The following CHST3 variants were observed in gnomAD, a reference collection of about 807,000 sequenced individuals.
The protein encoded by CHST3 is carbohydrate sulfotransferase 3, also known as C6ST-1.
A neutral mutation model predicts 35.4 loss-of-function variants in CHST3; 20 were observed. The observed-to-expected ratio is 0.57, with a 90% CI of 0.40 to 0.82. CHST3 has a LOEUF of 0.82. Among genes scored for constraint, CHST3 ranks in the 40% least tolerant of loss-of-function variants. The pLI, the probability that CHST3 is intolerant of heterozygous loss-of-function variation, is 0.00. For synonymous variants in CHST3, 334 were observed against 295.9 expected (o/e 1.13, Z -1.32); for missense variants, 693 against 670.1 (o/e 1.03, Z -0.38).
At chr10:72,001,847 A>G (rs1353003362) in intron 1 of CHST3, among the ~76,000 whole-genome samples, 1 of 152,216 alleles carries the variant, frequency 6.6e-6, no homozygotes, top group Non-Finnish European at 1.5e-5. Context: ...CTACCCATGA[A>G]CTAAGCAAGG....
Position 71,986,097 on chromosome 10 carries a change from C to T in CHST3, c.-107-19639C>T, listed in dbSNP as rs1839844935. On this transcript the variant is annotated intron_variant, in intron 1 of 2. Transcript: ENST00000373115. ...AGTAGGTAAAACAAGGGACACAGAC[C>T]TGTTCTCCTGGCATCCCTCCCTGGT... Among the ~76,000 whole-genome samples the T allele has an allele frequency of 2.0e-5, 3 of 152,194 alleles. No individual in the cohort carries two copies. In the South Asian group the frequency reaches 6.2e-4, roughly 32 times the overall value.
intron 1 of CHST3, among the ~76,000 whole-genome samples, chr10:72,004,751 C>T (rs6480592): frequency 0.65 from 99,470 of 152,032 alleles, 33,975 homozygotes; most frequent in African/African-American, 0.87. Flanking sequence ...ACATCGGAGT[C>T]TCTCCACCTT....
At position 71,973,940 on chromosome 10, in the gene CHST3, G is replaced by A. The variant is rs548836268; in HGVS notation, c.-108+9246G>A. ...ACAGGCAGGATGGAGTTGTGGTTAC[G>A]CACACAGGCTCTAGAGCCGGGCTGC... On this transcript the variant is annotated intron_variant, in intron 1 of 2. Transcript: ENST00000373115. Among the ~76,000 whole-genome samples the A allele has an allele frequency of 3.9e-5, 6 of 152,278 alleles. No individual in the cohort carries two copies. The South Asian group carries it at 1.0e-3, about 26-fold the overall frequency.
intron 1 of CHST3, among the ~76,000 whole-genome samples, chr10:71,979,529 G>T (rs1839780770): frequency 6.6e-6 from 1 of 151,934 alleles, no homozygotes. Flanking sequence ...GTGGAATTTG[G>T]CCAGGCACAG....
At chr10:72,002,582 G>A (rs1840004083) in intron 1 of CHST3, among the ~76,000 whole-genome samples, 2 of 152,250 alleles carry the variant, frequency 1.3e-5, no homozygotes, top group Non-Finnish European at 1.5e-5. Flanking sequence ...CAGCATGGTA[G>A]AGACACAGGA....
chr10:72,007,789 GC>G lies in CHST3; in HGVS notation c.763del (p.Leu255SerfsTer3), dbSNP rs1564532377. Reference sequence around the variant, plus strand: ...TACCACTGCAAGAACCGCCGCTGCGGCCCCCTCAACGTGACGCTGGCCGCAG... The same window carrying G: ...TACCACTGCAAGAACCGCCGCTGCGGCCCCTCAACGTGACGCTGGCCGCAG... Reference protein sequence around the residue: ...EKYHCKNRRCGPLNVTLAAEA... With the variant: ...EKYHCKNRRCXPLNVTLAAEA... On this transcript the variant is annotated frameshift_variant, in exon 3 of 3. Coordinates refer to ENST00000373115, the MANE Select transcript of CHST3 (RefSeq NM_004273.5). LOFTEE classifies it high-confidence loss of function. 6.2e-7 allele frequency: 1 copy of G among 1,601,444 alleles called. No individual in the cohort carries two copies. Among genetic ancestry groups the G allele is most frequent in the Admixed American group, 1.7e-5 (1 of 59,946 alleles).
chr10:72,004,741 A>G (rs562739011), intron 1 of CHST3, among the ~76,000 whole-genome samples: 1 of 152,276 alleles, frequency 6.6e-6, no homozygotes, highest in African/African-American at 2.4e-5. Flanking sequence ...GGAGCTTGCT[A>G]CATCGGAGTC....
At chr10:71,981,497 G>T (rs1434942853) in intron 1 of CHST3, among the ~76,000 whole-genome samples, 1 of 152,190 alleles carries the variant, frequency 6.6e-6, no homozygotes, top group African/African-American at 2.4e-5. Context: ...ACTAGATTCT[G>T]CCCAGGTCAG....
intron 1 of CHST3, among the ~76,000 whole-genome samples, chr10:71,985,218 T>C (rs960179147): frequency 1.5e-4 from 23 of 152,236 alleles, no homozygotes; most frequent in African/African-American, 4.6e-4. Flanking sequence ...CGCAGAGCTT[T>C]TTGGGCCCTG....
chr10:72,006,575 A>G (rs902354781), intron 2 of CHST3, among the ~76,000 whole-genome samples: 2 of 152,348 alleles, frequency 1.3e-5, no homozygotes, highest in Middle Eastern at 6.8e-3. Flanking sequence ...CAAATAGGCT[A>G]ATCTGGGAAC....
chr10:71,984,299 A>C (rs1436798645), intron 1 of CHST3, among the ~76,000 whole-genome samples: 1 of 152,258 alleles, frequency 6.6e-6, no homozygotes, highest in Non-Finnish European at 1.5e-5. Context: ...CTGAGATTAC[A>C]GGCGTGAGCC....
At chr10:71,981,806 A>G (rs911227163) in intron 1 of CHST3, among the ~76,000 whole-genome samples, 3 of 152,080 alleles carry the variant, frequency 2.0e-5, no homozygotes. Flanking sequence ...CTTACTGTCA[A>G]CCCCGCCCCT....
Position 71,964,502 on chromosome 10 carries a change from C to G in CHST3, c.-300C>G, listed in dbSNP as rs1469041878. On this transcript the variant is annotated 5_prime_UTR_variant, in exon 1 of 3. Transcript: ENST00000373115. ...GCCGCTTCCCTTCCAGCGTGCCGAC[C>G]GGCCCCGCAGCGCCTCCATCCCTCC... 1.3e-5 allele frequency: 2 copies of G among 152,108 alleles called. No individual in the cohort carries two copies. The highest frequency in any genetic ancestry group is 6.5e-5 in the Admixed American group (1 of 15,274). 9.4% of individuals were successfully genotyped at this position (152,108 alleles called of 1,614,324 possible). A position where few individuals can be genotyped will look rare whatever the true frequency, so the allele number is the denominator to read the frequency against.
At position 71,971,453 on chromosome 10, in the gene CHST3, C is replaced by A. The variant is rs141729579; in HGVS notation, c.-108+6759C>A. Among the ~76,000 whole-genome samples, 898 of 152,326 alleles carry A rather than the reference C, an allele frequency of 5.9e-3. 13 individuals carry two copies. The highest frequency in any genetic ancestry group is 0.021 in the African/African-American group (863 of 41,576). On this transcript the variant is annotated intron_variant, in intron 1 of 2. Coordinates refer to ENST00000373115, the MANE Select transcript of CHST3 (RefSeq NM_004273.5). ...AGCTTTCTGTCATGTGTGTGCTGTTCCTGTTCACACATGCTGCGCCGATGC... is the reference window on the plus strand; with the variant it reads ...AGCTTTCTGTCATGTGTGTGCTGTTACTGTTCACACATGCTGCGCCGATGC...
intron 1 of CHST3, among the ~76,000 whole-genome samples, chr10:72,000,234 T>C (rs186530422): frequency 1.2e-3 from 176 of 152,356 alleles, no homozygotes; most frequent in Middle Eastern, 3.4e-3. Context: ...CGTTCATTCA[T>C]TCATTCATTC....
rs775980360 is a variant in CHST3, at chr10:72,007,751, G to A, written c.720G>A (p.Lys240=). ...CCGTCTGTACGCCCTTCGTCAAGAA[G>A]GTCTTCGAGAAGTACCACTGCAAGA... ...EDPVCTPFVK[K]VFEKYHCKNR... Residue 240 remains lysine (K), a synonymous_variant, in exon 3 of 3, where the codon AAG becomes AAA. Transcript: ENST00000373115. The A allele has an allele frequency of 2.5e-6, 4 of 1,602,342 alleles. No homozygotes were observed. Among genetic ancestry groups the A allele is most frequent in the Non-Finnish European group, 3.4e-6 (4 of 1,179,714 alleles).
chr10:71,968,872 G>T (rs1301788994), intron 1 of CHST3, among the ~76,000 whole-genome samples: 4 of 152,152 alleles, frequency 2.6e-5, no homozygotes, highest in Non-Finnish European at 5.9e-5. Context: ...GCTTATCTGA[G>T]AAGTTGGGAC....
At position 72,011,226 on chromosome 10, in the gene CHST3, C is replaced by T. The variant is rs1395502987; in HGVS notation, c.*2755C>T. On this transcript the variant is annotated 3_prime_UTR_variant, in exon 3 of 3. Coordinates refer to ENST00000373115, the MANE Select transcript of CHST3 (RefSeq NM_004273.5). ...ATGGCCCCAGGACGTTGTTTAAGATCTGAGATCCCTTGGTTTCTCTCTTGT... is the reference window on the plus strand; with the variant it reads ...ATGGCCCCAGGACGTTGTTTAAGATTTGAGATCCCTTGGTTTCTCTCTTGT... 6.6e-6 allele frequency: 1 copy of T among 152,348 alleles called. No individual in the cohort carries two copies. The highest frequency in any genetic ancestry group is 2.1e-4 in the South Asian group (1 of 4,828). 9.4% of individuals were successfully genotyped at this position (152,348 alleles called of 1,614,324 possible).
At chr10:71,972,849 A>G (rs1278198238) in intron 1 of CHST3, among the ~76,000 whole-genome samples, 1 of 152,086 alleles carries the variant, frequency 6.6e-6, no homozygotes, top group Non-Finnish European at 1.5e-5. Context: ...TTCTCCTGGA[A>G]GCCTGGGTGG....
Sources: gnomAD v4.1 joint callset for allele counts (sites outside exome capture counted in the v4.1 genomes callset) on GRCh38, gnomAD v4.1.1 for gene constraint, MANE v1.5 for transcripts, NCBI Gene and HGNC (gene_info 2026-07-23, HGNC 2026-07-21) for gene names.